The following CNTNAP2 variants were observed in gnomAD, a reference collection of about 807,000 sequenced individuals.
CNTNAP2 encodes the protein contactin associated protein 2.
A neutral mutation model predicts 155.2 loss-of-function variants in CNTNAP2; 98 were observed. The ratio of observed to expected loss-of-function variants is 0.63; its 90% CI spans 0.54 to 0.75. The LOEUF is 0.75. Among genes scored for constraint, CNTNAP2 ranks in the 30% least tolerant of loss-of-function variants. The probability of loss-of-function intolerance (pLI) is 0.00; values close to 1 mark genes in which losing one functional copy is unlikely to be tolerated. For missense variants in CNTNAP2, 1,727 were observed against 1,688.1 expected, an observed-to-expected ratio of 1.02 and a Z score of -0.40; for synonymous variants, 651 against 631.2, an observed-to-expected ratio of 1.03 and a Z score of -0.47.
intron 13 of CNTNAP2, among the ~76,000 whole-genome samples, chr7:147,882,219 C>T (rs899685997): frequency 8.5e-5 from 13 of 152,072 alleles, no homozygotes; most frequent in Non-Finnish European, 1.9e-4. Context: ...CCATGTTAGA[C>T]AGCAGGAAAG....
chr7:146,740,673 G>A (rs1801696902), intron 1 of CNTNAP2, among the ~76,000 whole-genome samples: 1 of 152,162 alleles, frequency 6.6e-6, no homozygotes, highest in Non-Finnish European at 1.5e-5. Context: ...CCAGAATCCT[G>A]GGTCCTGCTT....
At chr7:146,734,007 A>G (rs1431289593) in intron 1 of CNTNAP2, among the ~76,000 whole-genome samples, 1 of 152,082 alleles carries the variant, frequency 6.6e-6, no homozygotes, top group Non-Finnish European at 1.5e-5. Context: ...TTAATTTCTT[A>G]TAGATATTTA....
chr7:147,138,161 G>A (rs1035504141), intron 8 of CNTNAP2, among the ~76,000 whole-genome samples: 7 of 151,742 alleles, frequency 4.6e-5, no homozygotes, highest in Non-Finnish European at 1.0e-4. Context: ...ATCATCTTAA[G>A]ATACAAAAGA....
intron 16 of CNTNAP2, among the ~76,000 whole-genome samples, chr7:148,126,590 C>T (rs750676345): frequency 1.3e-5 from 2 of 152,134 alleles, no homozygotes; most frequent in Non-Finnish European, 2.9e-5. Flanking sequence ...CAAAAGGCTG[C>T]GGAGAAAGTC....
chr7:147,783,991 T>C (rs1797695640), intron 13 of CNTNAP2, among the ~76,000 whole-genome samples: 1 of 152,134 alleles, frequency 6.6e-6, no homozygotes, highest in Non-Finnish European at 1.5e-5. Flanking sequence ...TAAGAGAGGA[T>C]CTGTTCCATG....
chr7:146,993,770 G>T (rs185692578), intron 3 of CNTNAP2, among the ~76,000 whole-genome samples: 1 of 152,194 alleles, frequency 6.6e-6, no homozygotes, highest in Admixed American at 6.5e-5. Context: ...TTATTAAAGT[G>T]GTGTAAAAAT....
chr7:146,216,787 A>G (rs1324651192), intron 1 of CNTNAP2, among the ~76,000 whole-genome samples: 1 of 152,250 alleles, frequency 6.6e-6, no homozygotes, highest in African/African-American at 2.4e-5. Flanking sequence ...TAGCAGTTCT[A>G]TTAAAGTGCA....
At chr7:146,471,240 T>C (rs569751553) in intron 1 of CNTNAP2, among the ~76,000 whole-genome samples, 43 of 152,326 alleles carry the variant, frequency 2.8e-4, no homozygotes, top group African/African-American at 9.6e-4. Context: ...TTGTTCTCCA[T>C]TGTTTACTGG....
intron 15 of CNTNAP2, among the ~76,000 whole-genome samples, chr7:147,988,593 TA>T (rs202207596): frequency 6.0e-5 from 9 of 149,142 alleles, no homozygotes; most frequent in South Asian, 2.1e-4. Context: ...GGGCAAGACT[TA>T]AAAAAAAACA....
At chr7:147,485,899 T>G in intron 10 of CNTNAP2, 36 bp from the exon 11 acceptor site, 1 of 1,601,370 alleles carries the variant, frequency 6.2e-7, no homozygotes, top group South Asian at 1.1e-5. Context: ...CTCATTTGTT[T>G]GTTGGTTTAT....
intron 1 of CNTNAP2, among the ~76,000 whole-genome samples, chr7:146,435,588 G>A (rs1442170681): frequency 6.6e-6 from 1 of 152,158 alleles, no homozygotes; most frequent in African/African-American, 2.4e-5. Flanking sequence ...TACATAAAGG[G>A]TCATTGAAGA....
intron 1 of CNTNAP2, among the ~76,000 whole-genome samples, chr7:146,213,879 C>T (rs754531232): frequency 5.9e-5 from 9 of 152,114 alleles, no homozygotes; most frequent in Non-Finnish European, 7.4e-5. Flanking sequence ...TACTGAAATC[C>T]ATGGCATTAA....
intron 1 of CNTNAP2, among the ~76,000 whole-genome samples, chr7:146,150,903 C>A (rs1209360541): frequency 6.6e-6 from 1 of 151,934 alleles, no homozygotes; most frequent in Non-Finnish European, 1.5e-5. Context: ...AAAAAACTGC[C>A]CAATACAGGG....
At chr7:146,856,423 C>A (rs906934780) in intron 3 of CNTNAP2, among the ~76,000 whole-genome samples, 1 of 151,792 alleles carries the variant, frequency 6.6e-6, no homozygotes, top group Non-Finnish European at 1.5e-5. Flanking sequence ...GACTAGGAAA[C>A]GTGGAAGGGT....
intron 9 of CNTNAP2, among the ~76,000 whole-genome samples, chr7:147,363,610 C>T (rs890263803): frequency 2.0e-5 from 3 of 152,144 alleles, no homozygotes; most frequent in African/African-American, 7.2e-5. Flanking sequence ...TCAGTCATCA[C>T]CAAATAGACT....
intron 18 of CNTNAP2, among the ~76,000 whole-genome samples, chr7:148,210,215 A>T (rs1002429545): frequency 2.0e-5 from 3 of 152,232 alleles, no homozygotes; most frequent in Non-Finnish European, 2.9e-5. Flanking sequence ...TTGGTGGCAA[A>T]GCCAGGGCTG....
At chr7:146,648,591 A>T (rs537718281) in intron 1 of CNTNAP2, among the ~76,000 whole-genome samples, 5 of 152,134 alleles carry the variant, frequency 3.3e-5, no homozygotes, top group Non-Finnish European at 7.4e-5. Context: ...ATTTATGTTA[A>T]AACTTCTCTG....
At chr7:147,878,564 T>C (rs1214808611) in intron 13 of CNTNAP2, among the ~76,000 whole-genome samples, 1 of 152,220 alleles carries the variant, frequency 6.6e-6, no homozygotes, top group East Asian at 1.9e-4. Flanking sequence ...TTTGTCTTTT[T>C]ATCAAATACT....
rs116723731 is a variant in CNTNAP2, at chr7:147,714,722, T to A, written c.2098+75416T>A. 5.4e-3 allele frequency among the ~76,000 whole-genome samples: 821 copies of A among 152,174 alleles called. 11 individuals are homozygous for A. Among genetic ancestry groups the A allele is most frequent in the African/African-American group, 0.019 (777 of 41,536 alleles). ...GTGTGTGTGTACTCATGTGTATGTA[T>A]ATGTAGTTTTATGCAGTTTATTAAA... On this transcript the variant is annotated intron_variant, in intron 13 of 23. Coordinates refer to ENST00000361727, the MANE Select transcript of CNTNAP2 (RefSeq NM_014141.6).
Sources: allele counts gnomAD v4.1 joint callset (sites outside exome capture counted in the v4.1 genomes callset), GRCh38; gene constraint gnomAD v4.1.1; transcripts MANE v1.5; gene names NCBI Gene and HGNC (gene_info 2026-07-23, HGNC 2026-07-21).